MANSC1: variants seen among roughly 807,000 people sequenced by gnomAD.
The protein encoded by MANSC1 is MANSC domain containing 1, also known as MANSC domain-containing protein 1.
In MANSC1, 13 loss-of-function variants were observed where a neutral mutation model predicts 14.1. The ratio of observed to expected loss-of-function variants is 0.92; its 90% CI spans 0.60 to 1.46. The LOEUF is 1.46. Among genes scored for constraint, MANSC1 ranks in the 40% most tolerant of loss-of-function variants. The pLI, the probability that MANSC1 is intolerant of heterozygous loss-of-function variation, is 0.00. For missense variants in MANSC1, 486 were observed against 511.4 expected, an observed-to-expected ratio of 0.95 and a Z score of 0.48; for synonymous variants, 227 against 200.7, an observed-to-expected ratio of 1.13 and a Z score of -1.11.
intron 3 of MANSC1, 23 bp downstream of exon 3, chr12:12,338,397 A>C (rs781762870): frequency 1.9e-6 from 3 of 1,544,754 alleles, no homozygotes; most frequent in Non-Finnish European, 2.6e-6. Context: ...ATCACAAAAG[A>C]AAAAGTATAA....
chr12:12,343,199 A>T lies in MANSC1; in HGVS notation c.116T>A (p.Ile39Asn). The stretch of plus-strand genomic sequence containing the variant: ...CTTAGAAAGAGATGACTGGATGTCA[A>T]TGACAACATCTTCTAGACTCTTTTT... Reference protein sequence around the residue: ...CLKKSLEDVVIDIQSSLSKGI... With the variant: ...CLKKSLEDVVNDIQSSLSKGI... Residue 39 changes from isoleucine to asparagine, a missense_variant, in exon 2 of 4, where the codon ATT (isoleucine) becomes AAT (asparagine). Coordinates refer to ENST00000535902, the MANE Select transcript of MANSC1 (RefSeq NM_018050.4). The T allele has an allele frequency of 6.2e-7, 1 of 1,613,962 alleles. No homozygotes were observed. Among genetic ancestry groups the T allele is most frequent in the Non-Finnish European group, 8.5e-7 (1 of 1,179,808 alleles).
rs1555142076 is a variant in MANSC1 at position 12,348,732 on chromosome 12, A to AAC, written c.-101+1345_-101+1346insGT. On this transcript the variant is annotated intron_variant, in intron 1 of 3. Coordinates refer to ENST00000535902, the MANE Select transcript of MANSC1 (RefSeq NM_018050.4). ...AAGGTAAAACCAAAAAAAAAAAAAA[A>AAC]CCCAGAAACAAACCAGTATATGGTA... Among the ~76,000 whole-genome samples the AAC allele has an allele frequency of 2.0e-4, 30 of 150,744 alleles. No individual in the cohort carries two copies. In the East Asian group the frequency reaches 5.8e-3, roughly 29 times the overall value.
In MANSC1 at chr12:12,330,264, T is replaced by A; in HGVS notation, c.1059A>T (p.Lys353Asn). The change falls in exon 4 of 4, where the codon AAA becomes AAT. Residue 353 changes from lysine (K) to asparagine (N), a missense_variant. Coordinates refer to ENST00000535902, the MANE Select transcript of MANSC1 (RefSeq NM_018050.4). ...MSNVESSTMN[K>N]TASWEGREAS... ...CCTCCCTACCTTCCCAGGAAGCAGT[T>A]TTATTCATAGTGGAAGACTCCACAT... The A allele has an allele frequency of 6.2e-7, 1 of 1,614,218 alleles. No individual in the cohort carries two copies. Among genetic ancestry groups the A allele is most frequent in the Non-Finnish European group, 8.5e-7 (1 of 1,180,034 alleles).
chr12:12,330,080 T>C lies in MANSC1; in HGVS notation c.1243A>G (p.Lys415Glu). ...GRILSESLRRKRYSRLDYLIN... is the reference protein window; with the variant it reads ...GRILSESLRRERYSRLDYLIN... ...AAATAATCCAGTCTTGAGTAACGTT[T>C]CCTGCGGAGTGATTCCGAGAGGATT... Residue 415 changes from lysine (K) to glutamate (E), a missense_variant, in exon 4 of 4, where the codon AAA (lysine) becomes GAA (glutamate). By Grantham distance (56) the Lys-to-Glu change is moderately conservative. Transcript: ENST00000535902. 6.2e-7 allele frequency: 1 copy of C among 1,614,184 alleles called. No homozygotes were observed. The highest frequency in any genetic ancestry group is 2.2e-5 in the East Asian group (1 of 44,880).
intron 3 of MANSC1, among the ~76,000 whole-genome samples, chr12:12,335,853 T>A (rs2417092): frequency 0.48 from 71,310 of 147,916 alleles, 17,842 homozygotes; most frequent in South Asian, 0.7. Context: ...AAAAAAAAAA[T>A]AAAAATAAAA....
chr12:12,337,061 A>G (rs1862867140), intron 3 of MANSC1, among the ~76,000 whole-genome samples: 1 of 151,682 alleles, frequency 6.6e-6, no homozygotes, highest in African/African-American at 2.4e-5. Flanking sequence ...ACCTGAGGTC[A>G]GGAGGTGAGA....
chr12:12,342,088 G>A (rs566560251), intron 2 of MANSC1, among the ~76,000 whole-genome samples: 5 of 152,344 alleles, frequency 3.3e-5, no homozygotes, highest in South Asian at 2.1e-4. Flanking sequence ...GACTACATGC[G>A]TGCACCAGCA....
At position 12,338,535 on chromosome 12, in the gene MANSC1, GATC is replaced by G; in HGVS notation, c.246_248del (p.Met82del). ...GTCTAGCTGTTTTTCGAGTGTCGAAGATCATCAAGTTACATGCTTTGTCCCCTG... is the reference window on the plus strand; with the variant it reads ...GTCTAGCTGTTTTTCGAGTGTCGAAGATCAAGTTACATGCTTTGTCCCCTG... On this transcript the variant is annotated inframe_deletion, in exon 3 of 4. Transcript: ENST00000535902. The G allele has an allele frequency of 3.1e-6, 5 of 1,613,124 alleles. No individual in the cohort carries two copies. Among genetic ancestry groups the G allele is most frequent in the Middle Eastern group, 1.7e-4 (1 of 6,060 alleles).
chr12:12,331,889 A>G (rs984455578), intron 3 of MANSC1, among the ~76,000 whole-genome samples: 1 of 152,156 alleles, frequency 6.6e-6, no homozygotes, highest in Non-Finnish European at 1.5e-5. Context: ...AGAATTTTGG[A>G]GCCAATGTCA....
At chr12:12,338,622 T>G (rs1592033301) in intron 2 of MANSC1, 62 bp from the exon 3 acceptor site, 1 of 1,513,570 alleles carries the variant, frequency 6.6e-7, no homozygotes, top group Non-Finnish European at 9.1e-7. Context: ...GTAGGGCAAG[T>G]AGGAAAAACT....
chr12:12,344,928 T>C (rs1203049858), intron 1 of MANSC1, among the ~76,000 whole-genome samples: 2 of 48,598 alleles, frequency 4.1e-5, no homozygotes, highest in African/African-American at 8.9e-5. Flanking sequence ...TATATATATA[T>C]ATATATATAT....
rs1862778312 is a variant in MANSC1 at position 12,330,811 on chromosome 12, G to A, written c.512C>T (p.Thr171Ile). ...SKPTDISWRD[T>I]LSQKFGSSDH... ...TGAGGATCCAAACTTCTGAGAAAGT[G>A]TGTCTCTCCATGAGATATCGGTGGG... The change falls in exon 4 of 4, where the codon ACA becomes ATA. Residue 171 changes from threonine (T) to isoleucine (I), a missense_variant. By Grantham distance (89) the Thr-to-Ile change is moderately conservative. Transcript: ENST00000535902. 15 of 1,614,164 alleles carry A rather than the reference G, an allele frequency of 9.3e-6. No homozygotes were observed. Among genetic ancestry groups the A allele is most frequent in the Non-Finnish European group, 1.3e-5 (15 of 1,180,024 alleles).
chr12:12,343,039 C>T (rs756970225), intron 2 of MANSC1, 53 bp downstream of exon 2: 12 of 1,302,996 alleles, frequency 9.2e-6, no homozygotes, highest in African/African-American at 1.5e-5. Flanking sequence ...TCCCCCAGCT[C>T]CTGAAGCCAC....
At chr12:12,346,024 A>C (rs1359150501) in intron 1 of MANSC1, among the ~76,000 whole-genome samples, 1 of 152,194 alleles carries the variant, frequency 6.6e-6, no homozygotes, top group Non-Finnish European at 1.5e-5. Context: ...CTGTAATCCC[A>C]GCACTTTGGG....
Position 12,329,989 on chromosome 12 carries a change from T to C in MANSC1, c.*38A>G. The C allele has an allele frequency of 6.4e-7, 1 of 1,557,610 alleles. No homozygotes were observed. The highest frequency in any genetic ancestry group is 1.2e-5 in the South Asian group (1 of 85,752). On this transcript the variant is annotated 3_prime_UTR_variant, in exon 4 of 4. Transcript: ENST00000535902. Reference sequence around the variant, plus strand: ...CAGAAACTCATTGCATTTGGGCTTCTGGTTACTAAATGAATTAAGAGACAC... The same window carrying C: ...CAGAAACTCATTGCATTTGGGCTTCCGGTTACTAAATGAATTAAGAGACAC...
intron 1 of MANSC1, among the ~76,000 whole-genome samples, chr12:12,345,549 T>C (rs1862999972): frequency 6.6e-6 from 1 of 152,178 alleles, no homozygotes; most frequent in Admixed American, 6.6e-5. Flanking sequence ...AGTCACACTA[T>C]GTATAATGCC....
At chr12:12,333,299 A>G (rs2900263) in intron 3 of MANSC1, among the ~76,000 whole-genome samples, 46,680 of 151,802 alleles carry the variant, frequency 0.31, 7,710 homozygotes, top group East Asian at 0.62. Context: ...CGCCCACCTC[A>G]GCCTCCCAAA....
At chr12:12,335,339 C>CTTTT (rs60014261) in intron 3 of MANSC1, among the ~76,000 whole-genome samples, 58 of 147,820 alleles carry the variant, frequency 3.9e-4, no homozygotes, top group Middle Eastern at 6.9e-3. Flanking sequence ...GAGAAATCAC[C>CTTTT]TTTTTTTTTT....
At chr12:12,331,198 T>G (rs1052211362) in intron 3 of MANSC1, among the ~76,000 whole-genome samples, 1 of 152,126 alleles carries the variant, frequency 6.6e-6, no homozygotes, top group African/African-American at 2.4e-5. Flanking sequence ...ATCTCCAAAC[T>G]GTTGATACTT....
Sources: gnomAD v4.1 joint callset for allele counts (sites outside exome capture counted in the v4.1 genomes callset) on GRCh38, gnomAD v4.1.1 for gene constraint, MANE v1.5 for transcripts, NCBI Gene and HGNC (gene_info 2026-07-23, HGNC 2026-07-21) for gene names.